The following GFRA2 variants were observed in gnomAD, a reference collection of about 807,000 sequenced individuals.
The protein encoded by GFRA2 is GDNF family receptor alpha 2.
Under a neutral mutation model 48.3 loss-of-function variants are expected in GFRA2, and 17 were observed. That is an observed-to-expected ratio of 0.35 (90% CI 0.24 to 0.53). GFRA2 has a LOEUF of 0.53. GFRA2 is among the 20% of genes least tolerant of loss of function. The pLI is 0.93. For missense variants in GFRA2, 660 were observed against 637.3 expected (o/e 1.04, Z -0.38); for synonymous variants, 305 against 257.2 (o/e 1.19, Z -1.78).
rs541173994 is a variant in GFRA2, at chr8:21,701,888, G to A, written c.1218+917C>T. ...GGCTGGGTGGGGTTCCCAAAGCCAC[G>A]GCTTTGGACCTTATGACCACAAGGA... On this transcript the variant is annotated intron_variant, in intron 7 of 8. Coordinates refer to ENST00000524240, the MANE Select transcript of GFRA2 (RefSeq NM_001495.5). 1.1e-4 allele frequency among the ~76,000 whole-genome samples: 17 copies of A among 152,248 alleles called. No homozygotes were observed. In the South Asian group the frequency reaches 2.7e-3, roughly 24 times the overall value.
rs201310432 is a variant in GFRA2, at chr8:21,721,127, A to AAC, written c.795-15088_795-15087dup. ...CAGCAGGAGATCTAAGAACTCTCCT[A>AAC]ACACCTCCCCTTGAAAAGTAAAATT... On this transcript the variant is annotated intron_variant, in intron 4 of 8. Coordinates refer to ENST00000524240, the MANE Select transcript of GFRA2 (RefSeq NM_001495.5). Among the ~76,000 whole-genome samples the AAC allele has an allele frequency of 4.3e-3, 661 of 152,268 alleles. 4 individuals carry two copies. The highest frequency in any genetic ancestry group is 0.015 in the African/African-American group (637 of 41,556).
chr8:21,765,857 T>A (rs1162916837), intron 3 of GFRA2, among the ~76,000 whole-genome samples: 1 of 152,102 alleles, frequency 6.6e-6, no homozygotes, highest in Non-Finnish European at 1.5e-5. Flanking sequence ...GAGTTGTCCA[T>A]AAATTCATCC....
At chr8:21,779,658 T>C (rs373761430) in intron 2 of GFRA2, 30 of 152,324 alleles carry the variant, frequency 2.0e-4, no homozygotes, top group African/African-American at 6.7e-4. Flanking sequence ...CTCAGGACAG[T>C]ATTCCTCCCT....
intron 8 of GFRA2, 119 bp downstream of exon 8, chr8:21,694,345 T>A: frequency 1.0e-6 from 1 of 961,928 alleles, no homozygotes; most frequent in South Asian, 1.5e-5. Flanking sequence ...GTCCAGAAGC[T>A]CAGCTGGCCC....
chr8:21,705,962 C>A lies in GFRA2; in HGVS notation c.874G>T (p.Ala292Ser). The A allele has an allele frequency of 6.4e-7, 1 of 1,573,986 alleles. No individual in the cohort carries two copies. Among genetic ancestry groups the A allele is most frequent in the Non-Finnish European group, 8.6e-7 (1 of 1,158,962 alleles). Residue 292 changes from alanine (A) to serine (S), a missense_variant, in exon 5 of 9, where the codon GCG becomes TCG. Physicochemically the swap from Ala to Ser is moderately conservative, Grantham distance 99 (BLOSUM62 1). Transcript: ENST00000524240. ...VTSCPADNYQ[A>S]CLGSYAGMIG... ...ATGCCAGCATAAGAGCCCAGACACGCCTGGTAATTGTCCGCAGGGCAGCTG... is the reference window on the plus strand; with the variant it reads ...ATGCCAGCATAAGAGCCCAGACACGACTGGTAATTGTCCGCAGGGCAGCTG...
At chr8:21,708,695 A>G (rs1802870682) in intron 4 of GFRA2, among the ~76,000 whole-genome samples, 1 of 152,188 alleles carries the variant, frequency 6.6e-6, no homozygotes, top group African/African-American at 2.4e-5. Context: ...ACGCCATGAG[A>G]CAGCAGAGGC....
chr8:21,713,188 T>C (rs1029303604), intron 4 of GFRA2, among the ~76,000 whole-genome samples: 5 of 146,792 alleles, frequency 3.4e-5, no homozygotes, highest in Non-Finnish European at 7.7e-5. Context: ...TGTTTTGTTC[T>C]GTTTTGTTTT....
chr8:21,750,369 CAAAT>C lies in GFRA2; in HGVS notation c.794+215_794+218del, dbSNP rs1805228442. 6.6e-6 allele frequency among the ~76,000 whole-genome samples: 1 copy of C among 152,052 alleles called. No individual in the cohort carries two copies. The highest frequency in any genetic ancestry group is 2.4e-5 in the African/African-American group (1 of 41,390). On this transcript the variant is annotated intron_variant, in intron 4 of 8. Transcript: ENST00000524240. The surrounding 1 kb of genome is among the most constrained non-coding windows in gnomAD (Gnocchi z 5.7). ...AACCTGTTCTGAGTGAATGAATGAA[CAAAT>C]GAATGAATAAAGAAGTAGATGGATG...
upstream of GFRA2, among the ~76,000 whole-genome samples, chr8:21,791,177 T>C (rs1807567008): frequency 6.6e-6 from 1 of 152,128 alleles, no homozygotes; most frequent in African/African-American, 2.4e-5. Flanking sequence ...CTCTGAATCA[T>C]ATATGTAGTT....
intron 4 of GFRA2, among the ~76,000 whole-genome samples, chr8:21,742,039 T>C (rs1344263230): frequency 1.3e-5 from 2 of 152,062 alleles, no homozygotes; most frequent in Non-Finnish European, 2.9e-5. Context: ...AGCCACGTGA[T>C]GTCACAGGAA....
At chr8:21,727,505 C>T (rs538887740) in intron 4 of GFRA2, among the ~76,000 whole-genome samples, 4 of 152,328 alleles carry the variant, frequency 2.6e-5, no homozygotes, top group East Asian at 3.9e-4. Flanking sequence ...TGAGCCTCAG[C>T]GCTCCACGCC....
chr8:21,759,813 C>T (rs1320288891), intron 3 of GFRA2, among the ~76,000 whole-genome samples: 1 of 147,526 alleles, frequency 6.8e-6, no homozygotes, highest in Admixed American at 7.0e-5. Flanking sequence ...CGCTTGAAGC[C>T]GGGAGGCAGA....
rs61578379 is a variant in GFRA2, at chr8:21,747,756, C to CCACACACA, written c.794+2824_794+2831dup. On this transcript the variant is annotated intron_variant, in intron 4 of 8. Transcript: ENST00000524240. Reference sequence around the variant, plus strand: ...CGGGCCCACTGCGGTCCATCTTCCACCACACACACACACACACACACACAC... The same window carrying CCACACACA: ...CGGGCCCACTGCGGTCCATCTTCCACCACACACACACACACACACACACACACACACAC... Among the ~76,000 whole-genome samples the CCACACACA allele has an allele frequency of 2.7e-3, 380 of 139,136 alleles. 2 individuals carry two copies. The highest frequency in any genetic ancestry group is 5.6e-3 in the African/African-American group (208 of 37,088). The allele number at this position is 139,136 out of a possible 152,430, so 91.3% of individuals were successfully genotyped here. A position where few individuals can be genotyped will look rare whatever the true frequency, so the allele number is the denominator to read the frequency against.
chr8:21,792,666 G>A (rs1807595750), upstream of GFRA2, among the ~76,000 whole-genome samples: 1 of 152,202 alleles, frequency 6.6e-6, no homozygotes, highest in African/African-American at 2.4e-5. Flanking sequence ...GACTTGCTAG[G>A]GGTAGGATTC....
chr8:21,701,160 C>T (rs1018347608), intron 7 of GFRA2, among the ~76,000 whole-genome samples: 74 of 152,190 alleles, frequency 4.9e-4, no homozygotes, highest in African/African-American at 1.7e-3. Context: ...TTTGGGAGGC[C>T]GAGGCGGGTG....
chr8:21,784,773 G>A (rs1196438243), intron 1 of GFRA2, among the ~76,000 whole-genome samples: 4 of 152,246 alleles, frequency 2.6e-5, no homozygotes, highest in South Asian at 4.1e-4. Flanking sequence ...GCTGAGACAA[G>A]ACCAGAGAAG....
At chr8:21,783,106 C>T (rs1807095202) in intron 1 of GFRA2, 1 of 697,960 alleles carries the variant, frequency 1.4e-6, no homozygotes, top group Non-Finnish European at 2.6e-6. Flanking sequence ...AGTTTTCTCC[C>T]TTTGCACTCC....
intron 3 of GFRA2, among the ~76,000 whole-genome samples, chr8:21,771,820 CCA>C: frequency 6.6e-6 from 1 of 152,094 alleles, no homozygotes; most frequent in South Asian, 2.1e-4. Context: ...CCCTCCCTAC[CCA>C]CAGTCTTTCC....
rs932210517 is a variant in GFRA2 at position 21,702,908 on chromosome 8, G to A, written c.1115C>T (p.Ala372Val). The A allele has an allele frequency of 1.3e-6, 2 of 1,593,510 alleles. No individual in the cohort carries two copies. The highest frequency in any genetic ancestry group is 1.7e-6 in the Non-Finnish European group (2 of 1,171,974). Residue 372 changes from alanine to valine, a missense_variant, in exon 7 of 9, where the codon GCC (alanine) becomes GTC (valine). Coordinates refer to ENST00000524240, the MANE Select transcript of GFRA2 (RefSeq NM_001495.5). Reference protein sequence around the residue: ...NVSPKGPSFQATQAPRVEKTP... With the variant: ...NVSPKGPSFQVTQAPRVEKTP... Reference sequence around the variant, plus strand: ...CTTCTCCACCCGAGGGGCCTGGGTGGCCTGGAACGAGGGGCCTTTTGGGGA... The same window carrying A: ...CTTCTCCACCCGAGGGGCCTGGGTGACCTGGAACGAGGGGCCTTTTGGGGA...
Sources: gnomAD v4.1 joint callset for allele counts (sites outside exome capture counted in the v4.1 genomes callset) on GRCh38, gnomAD v4.1.1 for gene constraint, Gnocchi (gnomAD v3.1) non-coding constraint, MANE v1.5 for transcripts, NCBI Gene and HGNC (gene_info 2026-07-23, HGNC 2026-07-21) for gene names.